Variants in PLCB1 observed in about 807,000 individuals in gnomAD.
PLCB1 encodes phospholipase C beta 1, also known as 1-phosphatidylinositol 4,5-bisphosphate phosphodiesterase beta-1.
Under a neutral mutation model 161.8 loss-of-function variants are expected in PLCB1, and 46 were observed. The observed-to-expected ratio is 0.28, with a 90% confidence interval of 0.22 to 0.36. PLCB1 has a LOEUF of 0.36. Ranked by LOEUF, PLCB1 falls within the 10% of genes least tolerant of loss-of-function variation. The pLI, the probability that PLCB1 is intolerant of heterozygous loss-of-function variation, is 1.00. For missense variants in PLCB1, 1,016 were observed against 1,472.5 expected, an observed-to-expected ratio of 0.69 and a Z score of 5.07; for synonymous variants, 517 against 503.7, an observed-to-expected ratio of 1.03 and a Z score of -0.35.
chr20:8,555,624 A>G (rs192615972), intron 3 of PLCB1, among the ~76,000 whole-genome samples: 63 of 152,252 alleles, frequency 4.1e-4, no homozygotes, highest in Middle Eastern at 3.4e-3. Context: ...TAAGTGTTAC[A>G]TTCAAATGTG....
intron 2 of PLCB1, among the ~76,000 whole-genome samples, chr20:8,295,886 A>AT (rs948150175): frequency 1.3e-5 from 2 of 151,640 alleles, no homozygotes; most frequent in Admixed American, 6.6e-5. Context: ...ATTTTTTTCT[A>AT]TTTTTTTGTA....
chr20:8,625,718 A>T (rs923149978), intron 3 of PLCB1, among the ~76,000 whole-genome samples: 5 of 152,182 alleles, frequency 3.3e-5, no homozygotes, highest in African/African-American at 1.2e-4. Context: ...AAACCTTTTT[A>T]AATTTTTTTT....
chr20:8,648,178 CAGGAAGTGGGTGG>C (rs1433456607), intron 6 of PLCB1, among the ~76,000 whole-genome samples: 1 of 152,162 alleles, frequency 6.6e-6, no homozygotes, highest in East Asian at 1.9e-4. Context: ...AATACCAAAG[CAGGAAGTGGGTGG>C]AGGAAGTGGA....
At chr20:8,576,905 G>T (rs978880397) in intron 3 of PLCB1, among the ~76,000 whole-genome samples, 3 of 152,074 alleles carry the variant, frequency 2.0e-5, no homozygotes, top group Non-Finnish European at 1.5e-5. Context: ...ACGTGTGATG[G>T]TGAGACCTGC....
At chr20:8,504,930 C>T (rs543399110) in intron 3 of PLCB1, among the ~76,000 whole-genome samples, 3 of 152,258 alleles carry the variant, frequency 2.0e-5, no homozygotes, top group East Asian at 1.9e-4. Flanking sequence ...TTCAGTGGAA[C>T]GACATTGGCT....
chr20:8,876,053 C>T (rs561209539), intron 31 of PLCB1, among the ~76,000 whole-genome samples: 1 of 152,170 alleles, frequency 6.6e-6, no homozygotes, highest in Admixed American at 6.5e-5. Flanking sequence ...TGAACTTGAC[C>T]GTATTGCCTT....
At chr20:8,832,841 G>T (rs1175674664) in intron 31 of PLCB1, among the ~76,000 whole-genome samples, 3 of 152,146 alleles carry the variant, frequency 2.0e-5, no homozygotes, top group Non-Finnish European at 2.9e-5. Context: ...ACCCTGCGAG[G>T]GTTTAGTTGT....
intron 1 of PLCB1, among the ~76,000 whole-genome samples, chr20:8,140,311 C>T (rs1226572853): frequency 6.6e-6 from 1 of 152,208 alleles, no homozygotes; most frequent in Non-Finnish European, 1.5e-5. Context: ...CCTTTATCTT[C>T]AAAATTCAAG....
chr20:8,479,107 A>G (rs1487213505), intron 3 of PLCB1, among the ~76,000 whole-genome samples: 1 of 152,190 alleles, frequency 6.6e-6, no homozygotes, highest in African/African-American at 2.4e-5. Context: ...GTAGAATTAT[A>G]TGCACTATAA....
intron 3 of PLCB1, among the ~76,000 whole-genome samples, chr20:8,450,145 G>A (rs949456587): frequency 6.6e-6 from 1 of 152,032 alleles, no homozygotes; most frequent in Non-Finnish European, 1.5e-5. Context: ...ATTTTTCCTA[G>A]GCTTCCTCCC....
At chr20:8,166,891 C>T (rs745383564) in intron 2 of PLCB1, among the ~76,000 whole-genome samples, 1 of 152,158 alleles carries the variant, frequency 6.6e-6, no homozygotes, top group Non-Finnish European at 1.5e-5. Context: ...ATTAGCCCCT[C>T]CCCTGCTTCA....
At chr20:8,816,980 A>AT (rs766979273) in intron 31 of PLCB1, among the ~76,000 whole-genome samples, 74 of 152,338 alleles carry the variant, frequency 4.9e-4, no homozygotes, top group Non-Finnish European at 6.8e-4. Flanking sequence ...AAAAGGAGCC[A>AT]TTATAGTTTC....
Position 8,838,541 on chromosome 20 carries a change from A to G in PLCB1, c.3424-43081A>G, listed in dbSNP as rs1286394693. Among the ~76,000 whole-genome samples the G allele has an allele frequency of 1.1e-4, 16 of 152,238 alleles. 1 individual carries two copies. The highest frequency in any genetic ancestry group is 1.0e-3 in the Admixed American group (16 of 15,280). On this transcript the variant is annotated intron_variant, in intron 31 of 31. Coordinates refer to ENST00000338037, the MANE Select transcript of PLCB1 (RefSeq NM_015192.4). ...ATACTTGGAATAGATAAATTCCCTG[A>G]CAGAACTGCTATATTGGTTCTTGTG... is the stretch of plus-strand genomic sequence containing the variant.
intron 3 of PLCB1, among the ~76,000 whole-genome samples, chr20:8,496,507 T>C (rs531366582): frequency 6.6e-6 from 1 of 152,282 alleles, no homozygotes; most frequent in African/African-American, 2.4e-5. Context: ...AATTGATTTG[T>C]ACCTTTACTT....
intron 31 of PLCB1, among the ~76,000 whole-genome samples, chr20:8,821,568 A>C (rs1985421167): frequency 2.3e-5 from 3 of 131,850 alleles, no homozygotes; most frequent in Admixed American, 8.0e-5. Flanking sequence ...TTTAAATGAC[A>C]CTTTTAAAAA....
chr20:8,242,112 A>G (rs1980644937), intron 2 of PLCB1, among the ~76,000 whole-genome samples: 1 of 151,916 alleles, frequency 6.6e-6, no homozygotes, highest in Non-Finnish European at 1.5e-5. Flanking sequence ...CTCTCCAGAG[A>G]ACTTAGTGTC....
Position 8,731,683 on chromosome 20 carries a change from A to G in PLCB1, c.1889-1555A>G, listed in dbSNP as rs560511859. On this transcript the variant is annotated intron_variant, in intron 18 of 31. Coordinates refer to ENST00000338037, the MANE Select transcript of PLCB1 (RefSeq NM_015192.4). ...GTGATAAGTTATCTTAATAGATCTCATTTCCTAATATATAATTATCCTTTT... is the reference window on the plus strand; with the variant it reads ...GTGATAAGTTATCTTAATAGATCTCGTTTCCTAATATATAATTATCCTTTT... 9.9e-5 allele frequency among the ~76,000 whole-genome samples: 15 copies of G among 152,092 alleles called. No homozygotes were observed. In the East Asian group the frequency reaches 2.7e-3, roughly 27 times the overall value.
chr20:8,341,953 A>T (rs773132548), intron 2 of PLCB1, among the ~76,000 whole-genome samples: 17 of 152,106 alleles, frequency 1.1e-4, no homozygotes, highest in Non-Finnish European at 1.5e-5. Flanking sequence ...ATTCAGACCC[A>T]TCTATTTTGA....
At position 8,395,104 on chromosome 20, in the gene PLCB1, T is replaced by C. The variant is rs1234337245; in HGVS notation, c.246+23654T>C. Among the ~76,000 whole-genome samples the C allele has an allele frequency of 4.6e-5, 7 of 152,122 alleles. 1 individual carries two copies. ...GCATGAATTACATTTTCCTTGATTC[T>C]TATAGTACCTTAGTATAAATAAATT... On this transcript the variant is annotated intron_variant, in intron 3 of 31. Transcript: ENST00000338037.
Sources: gnomAD v4.1 joint callset for allele counts (sites outside exome capture counted in the v4.1 genomes callset) on GRCh38, gnomAD v4.1.1 for gene constraint, MANE v1.5 for transcripts, NCBI Gene and HGNC (gene_info 2026-07-23, HGNC 2026-07-21) for gene names.